The following SIK3 variants were observed in gnomAD, a reference collection of about 807,000 sequenced individuals.
SIK3 encodes serine/threonine-protein kinase SIK3.
In SIK3, 28 loss-of-function variants were observed where a neutral mutation model predicts 144.2. That is an observed-to-expected ratio of 0.19 (90% CI 0.14 to 0.27). SIK3 has a LOEUF of 0.27. Among genes scored for constraint, SIK3 ranks in the 10% least tolerant of loss-of-function variants. The pLI, the probability that SIK3 is intolerant of heterozygous loss-of-function variation, is 1.00. For synonymous variants in SIK3, 686 were observed against 676.3 expected (o/e 1.01, Z -0.22); for missense variants, 1,319 against 1,776.0 (o/e 0.74, Z 4.62).
intron 1 of SIK3, among the ~76,000 whole-genome samples, chr11:117,018,051 G>A (rs1227962445): frequency 2.0e-5 from 3 of 152,076 alleles, no homozygotes; most frequent in African/African-American, 7.2e-5. Flanking sequence ...TAAAATCTTC[G>A]GGGGTAATAT....
chr11:116,974,416 T>C (rs972143937), intron 1 of SIK3, among the ~76,000 whole-genome samples: 12 of 152,164 alleles, frequency 7.9e-5, no homozygotes, highest in African/African-American at 2.4e-4. Context: ...ACCCTTTTTT[T>C]CCCCCTTTTG....
chr11:117,018,788 T>C (rs980199557), intron 1 of SIK3, among the ~76,000 whole-genome samples: 9 of 152,034 alleles, frequency 5.9e-5, no homozygotes, highest in African/African-American at 1.9e-4. Flanking sequence ...CTCAACTCAC[T>C]GAAACCTCCA....
At chr11:117,053,814 T>C (rs1313603196) in intron 1 of SIK3, among the ~76,000 whole-genome samples, 2 of 152,278 alleles carry the variant, frequency 1.3e-5, no homozygotes, top group East Asian at 3.9e-4. Flanking sequence ...GCCCAGCTAA[T>C]TTTTTTAGTT....
At chr11:116,947,531 A>ATATATATGTATG (rs1555107761) in intron 3 of SIK3, among the ~76,000 whole-genome samples, 1 of 125,044 alleles carries the variant, frequency 8.0e-6, no homozygotes, top group Non-Finnish European at 1.6e-5. Context: ...ATATATATAT[A>ATATATATGTATG]TATGTATGTA....
intron 1 of SIK3, among the ~76,000 whole-genome samples, chr11:117,053,284 C>A (rs11216250): frequency 6.6e-6 from 1 of 151,274 alleles, no homozygotes; most frequent in Non-Finnish European, 1.5e-5. Flanking sequence ...TCACAGTGAG[C>A]CTAGATCATG....
chr11:117,013,915 G>GGGGGGGGGGGGGGGTGTGTGT (rs1206309055), intron 1 of SIK3, among the ~76,000 whole-genome samples: 1 of 23,618 alleles, frequency 4.2e-5, no homozygotes, highest in Non-Finnish European at 1.3e-4. Flanking sequence ...GGGGGGGGAG[G>GGGGGGGGGGGGGGGTGTGTGT]GTGTGTGTGT....
At chr11:116,938,271 AGAGG>A in intron 3 of SIK3, among the ~76,000 whole-genome samples, 1 of 86,980 alleles carries the variant, frequency 1.1e-5, no homozygotes, top group Non-Finnish European at 2.1e-5. Flanking sequence ...AGAGGAGAGG[AGAGG>A]AGAGGAGAGG....
chr11:116,915,124 A>ATGTGTGTGTG (rs35059138), intron 4 of SIK3, among the ~76,000 whole-genome samples: 1,502 of 129,952 alleles, frequency 0.012, 13 homozygotes, highest in South Asian at 0.024. Flanking sequence ...GAAGCCATAT[A>ATGTGTGTGTG]TGTGTGTGTG....
chr11:116,972,150 A>G (rs1949784833), intron 1 of SIK3, among the ~76,000 whole-genome samples: 1 of 152,062 alleles, frequency 6.6e-6, no homozygotes, highest in Admixed American at 6.6e-5. Context: ...CAACAACCCT[A>G]TGGAGTAGGT....
At chr11:117,058,519 C>CAAAA in intron 1 of SIK3, among the ~76,000 whole-genome samples, 1 of 116,852 alleles carries the variant, frequency 8.6e-6, no homozygotes, top group African/African-American at 3.0e-5. Flanking sequence ...GACTCCATCT[C>CAAAA]AAAAAAAAAA....
chr11:116,873,189 A>G (rs916613882), intron 13 of SIK3, among the ~76,000 whole-genome samples: 7 of 152,262 alleles, frequency 4.6e-5, no homozygotes, highest in African/African-American at 1.7e-4. Context: ...ACCTGCCCCA[A>G]GCTGGCAGGA....
intron 4 of SIK3, among the ~76,000 whole-genome samples, chr11:116,899,991 C>T (rs549348716): frequency 2.6e-5 from 4 of 152,284 alleles, no homozygotes; most frequent in South Asian, 2.1e-4. Context: ...TTTTAACTGC[C>T]TCTCCTTGCT....
At chr11:117,076,108 C>T (rs1954523171) in intron 1 of SIK3, among the ~76,000 whole-genome samples, 1 of 152,050 alleles carries the variant, frequency 6.6e-6, no homozygotes, top group Non-Finnish European at 1.5e-5. Flanking sequence ...CACAGCCTCC[C>T]AAAGTGCTGG....
intron 4 of SIK3, among the ~76,000 whole-genome samples, chr11:116,897,602 C>T (rs1448954808): frequency 6.6e-6 from 1 of 152,156 alleles, no homozygotes; most frequent in African/African-American, 2.4e-5. Flanking sequence ...TTTAAGAATG[C>T]AAATGGGCCT....
chr11:116,908,640 CA>C (rs1160617092), intron 4 of SIK3, among the ~76,000 whole-genome samples: 1 of 151,658 alleles, frequency 6.6e-6, no homozygotes, highest in Non-Finnish European at 1.5e-5. Context: ...TGACAATTGA[CA>C]AAAAAAGGCC....
chr11:116,934,249 G>A (rs954092912), intron 3 of SIK3, among the ~76,000 whole-genome samples: 4 of 152,114 alleles, frequency 2.6e-5, no homozygotes, highest in Non-Finnish European at 4.4e-5. Flanking sequence ...GGTATCTGAC[G>A]CATATTAAGC....
chr11:117,031,522 A>T (rs113004804), intron 1 of SIK3, among the ~76,000 whole-genome samples: 1 of 79,006 alleles, frequency 1.3e-5, no homozygotes, highest in Admixed American at 1.3e-4. Flanking sequence ...TTTTATTTTT[A>T]TTTTATTTAT....
intron 3 of SIK3, among the ~76,000 whole-genome samples, chr11:116,947,919 C>A (rs940287685): frequency 2.7e-5 from 4 of 149,456 alleles, no homozygotes. Context: ...AGGAATTTGT[C>A]CATTTCATCT....
chr11:116,950,896 C>T (rs1948904419), intron 3 of SIK3, among the ~76,000 whole-genome samples: 1 of 152,180 alleles, frequency 6.6e-6, no homozygotes, highest in Non-Finnish European at 1.5e-5. Flanking sequence ...TTTCTGCTTA[C>T]TCTTAGGACG....
Sources: allele counts gnomAD v4.1 joint callset (sites outside exome capture counted in the v4.1 genomes callset), GRCh38; gene constraint gnomAD v4.1.1; transcripts MANE v1.5; gene names NCBI Gene and HGNC (gene_info 2026-07-23, HGNC 2026-07-21).